The following CNTN3 variants were observed in gnomAD, a reference collection of about 807,000 sequenced individuals.
The protein encoded by CNTN3 is contactin 3.
In CNTN3, 60 loss-of-function variants were observed where a neutral mutation model predicts 119.1. The observed-to-expected ratio is 0.50, with a 90% confidence interval of 0.41 to 0.62. The LOEUF (loss-of-function observed/expected upper bound fraction) is 0.62, where lower values mean the gene tolerates loss of function less well. CNTN3 is among the 20% of genes least tolerant of loss of function. The pLI, the probability that CNTN3 is intolerant of heterozygous loss-of-function variation, is 0.00. For missense variants in CNTN3, 1,101 were observed against 1,242.4 expected (o/e 0.89, Z 1.71); for synonymous variants, 450 against 438.7 (o/e 1.03, Z -0.32).
intron 4 of CNTN3, among the ~76,000 whole-genome samples, chr3:74,452,865 C>A (rs1210375466): frequency 6.6e-6 from 1 of 151,792 alleles, no homozygotes; most frequent in Non-Finnish European, 1.5e-5. Context: ...AGGGATGAAG[C>A]CCACTTGATC....
chr3:74,363,541 GGCC>G, intron 10 of CNTN3, among the ~76,000 whole-genome samples: 2 of 152,000 alleles, frequency 1.3e-5, no homozygotes, highest in African/African-American at 4.8e-5. Flanking sequence ...AATCATGCAG[GGCC>G]TTATCACTTG....
At position 74,614,433 on chromosome 3, in the gene CNTN3, TCGCCGCCGCCGCCGCCGCCGCCGC is replaced by T. The variant is rs548175205; in HGVS notation, c.-147_-124del. On this transcript the variant is annotated 5_prime_UTR_variant, in exon 1 of 23. Coordinates refer to ENST00000263665, the MANE Select transcript of CNTN3 (RefSeq NM_020872.3). ...CCAGACGCCCGCCCCGACGGCCCAC[TCGCCGCCGCCGCCGCCGCCGCCGC>T]CGCCGCCACCGCCGCCGCCGCAGTT... is the stretch of plus-strand genomic sequence containing the variant. Among the ~76,000 whole-genome samples the T allele has an allele frequency of 8.2e-3, 1,187 of 145,446 alleles. 12 individuals are homozygous for T. The highest frequency in any genetic ancestry group is 0.028 in the African/African-American group (1,136 of 40,458).
At chr3:74,407,325 A>G (rs1701346360) in intron 5 of CNTN3, among the ~76,000 whole-genome samples, 1 of 131,528 alleles carries the variant, frequency 7.6e-6, no homozygotes, top group East Asian at 2.5e-4. Context: ...CTGGAGTTCA[A>G]TGGCGCAATC....
intron 1 of CNTN3, among the ~76,000 whole-genome samples, chr3:74,528,746 T>C (rs1248689099): frequency 6.6e-6 from 1 of 151,938 alleles, no homozygotes; most frequent in East Asian, 1.9e-4. Flanking sequence ...TTTATGTATT[T>C]TCAAAGGTCT....
chr3:74,409,678 A>G (rs1356365182), intron 5 of CNTN3, among the ~76,000 whole-genome samples: 1 of 152,090 alleles, frequency 6.6e-6, no homozygotes, highest in South Asian at 2.1e-4. Context: ...TTTTGTTTTA[A>G]CTTTTCTCTA....
intron 3 of CNTN3, among the ~76,000 whole-genome samples, chr3:74,492,761 A>ATG (rs906151104): frequency 7.3e-5 from 11 of 151,602 alleles, no homozygotes; most frequent in South Asian, 4.2e-4. Context: ...AAGAAAACGA[A>ATG]TGTGTGTGTG....
At chr3:74,362,121 T>C in intron 10 of CNTN3, 81 bp from the exon 11 acceptor site, 1 of 1,506,528 alleles carries the variant, frequency 6.6e-7, no homozygotes, top group Non-Finnish European at 9.0e-7. Flanking sequence ...CTTTTACAGT[T>C]TTAAAAGTTT....
At chr3:74,391,812 C>T (rs556693998) in intron 5 of CNTN3, among the ~76,000 whole-genome samples, 11 of 152,150 alleles carry the variant, frequency 7.2e-5, no homozygotes, top group African/African-American at 2.6e-4. Context: ...CGCGTGCCAC[C>T]ACGCCCGGCT....
At chr3:74,554,812 G>A (rs1454645585) in intron 1 of CNTN3, among the ~76,000 whole-genome samples, 2 of 152,194 alleles carry the variant, frequency 1.3e-5, no homozygotes, top group Non-Finnish European at 2.9e-5. Flanking sequence ...AAGATTTTGG[G>A]CTGAGACGAT....
chr3:74,539,145 A>T (rs964131619), intron 1 of CNTN3, among the ~76,000 whole-genome samples: 1 of 152,164 alleles, frequency 6.6e-6, no homozygotes, highest in African/African-American at 2.4e-5. Context: ...CTGATCATCA[A>T]TAAACACATA....
At chr3:74,290,391 TTGTA>T (rs1288837034) in intron 19 of CNTN3, among the ~76,000 whole-genome samples, 1 of 152,214 alleles carries the variant, frequency 6.6e-6, no homozygotes, top group Admixed American at 6.5e-5. Flanking sequence ...GGGACCACTG[TTGTA>T]TGTGTCATCT....
chr3:74,592,644 T>G (rs545535707), intron 1 of CNTN3, among the ~76,000 whole-genome samples: 1 of 151,826 alleles, frequency 6.6e-6, no homozygotes, highest in Non-Finnish European at 1.5e-5. Context: ...TGAAGGAAAA[T>G]GAGAATAAAG....
chr3:74,335,875 A>C (rs1273574202), intron 12 of CNTN3, among the ~76,000 whole-genome samples: 1 of 152,098 alleles, frequency 6.6e-6, no homozygotes, highest in Non-Finnish European at 1.5e-5. Context: ...CTTCTCAGTG[A>C]GGTTTATTCT....
chr3:74,436,473 G>A (rs985221378), intron 4 of CNTN3, among the ~76,000 whole-genome samples: 2 of 152,094 alleles, frequency 1.3e-5, no homozygotes, highest in Admixed American at 6.5e-5. Flanking sequence ...GAATGCTTGT[G>A]CCTGGTAGCT....
chr3:74,537,853 G>A (rs1439226061), intron 1 of CNTN3, among the ~76,000 whole-genome samples: 2 of 152,080 alleles, frequency 1.3e-5, no homozygotes, highest in African/African-American at 4.8e-5. Context: ...CAAAATTGAA[G>A]AGAAGAATGG....
At chr3:74,447,390 A>G (rs1473756713) in intron 4 of CNTN3, among the ~76,000 whole-genome samples, 1 of 152,164 alleles carries the variant, frequency 6.6e-6, no homozygotes, top group East Asian at 1.9e-4. Flanking sequence ...AACCACCCAA[A>G]AGCCAGAAGG....
intron 3 of CNTN3, among the ~76,000 whole-genome samples, chr3:74,491,626 T>C (rs1053463428): frequency 1.1e-4 from 17 of 152,186 alleles, no homozygotes; most frequent in Non-Finnish European, 2.1e-4. Context: ...TGCAGGAAAC[T>C]GTAATCCAAC....
chr3:74,480,179 C>T (rs1702738048), intron 4 of CNTN3, among the ~76,000 whole-genome samples: 1 of 152,010 alleles, frequency 6.6e-6, no homozygotes, highest in Non-Finnish European at 1.5e-5. Flanking sequence ...CAGTCCTCTA[C>T]AGTATTCTTC....
intron 5 of CNTN3, among the ~76,000 whole-genome samples, chr3:74,394,841 GTTA>G (rs1160716421): frequency 3.9e-5 from 6 of 151,966 alleles, no homozygotes; most frequent in African/African-American, 9.7e-5. Context: ...ATTATTCTTT[GTTA>G]TTATGCTGTG....
Sources: allele counts gnomAD v4.1 joint callset (sites outside exome capture counted in the v4.1 genomes callset), GRCh38; gene constraint gnomAD v4.1.1; transcripts MANE v1.5; gene names NCBI Gene and HGNC (gene_info 2026-07-23, HGNC 2026-07-21).